The following DGLUCY variants were observed in gnomAD, a reference collection of about 807,000 sequenced individuals.
DGLUCY encodes the protein D-glutamate cyclase, also known as D-glutamate cyclase, mitochondrial.
Under a neutral mutation model 58.5 loss-of-function variants are expected in DGLUCY, and 58 were observed. The observed-to-expected ratio is 0.99, with a 90% CI of 0.80 to 1.23. The LOEUF (loss-of-function observed/expected upper bound fraction) is 1.23, where lower values mean the gene tolerates loss of function less well. DGLUCY is among the 50% of genes most tolerant of loss of function. DGLUCY has a pLI of 0.00. For missense variants in DGLUCY, 779 were observed against 784.7 expected, an observed-to-expected ratio of 0.99 and a Z score of 0.09; for synonymous variants, 325 against 314.1, an observed-to-expected ratio of 1.03 and a Z score of -0.37.
At chr14:91,108,487 T>TTGTGTGTGTGTG (rs34711327) in intron 1 of DGLUCY, among the ~76,000 whole-genome samples, 29 of 74,958 alleles carry the variant, frequency 3.9e-4, no homozygotes, top group African/African-American at 1.4e-3. Flanking sequence ...CTTGAAGAAT[T>TTGTGTGTGTGTG]TGTGTGTGTG....
intron 9 of DGLUCY, among the ~76,000 whole-genome samples, chr14:91,194,658 A>G (rs970105773): frequency 6.6e-6 from 1 of 151,292 alleles, no homozygotes; most frequent in Non-Finnish European, 1.5e-5. Flanking sequence ...CTCCTGCCTC[A>G]GCCTCCTGAG....
rs184636243 is a variant in DGLUCY at position 91,094,923 on chromosome 14, A to G, written c.-82+34219A>G. Among the ~76,000 whole-genome samples, 312 of 152,198 alleles carry G rather than the reference A, an allele frequency of 2.0e-3. 3 individuals are homozygous for G. The highest frequency in any genetic ancestry group is 7.3e-3 in the African/African-American group (302 of 41,518). On this transcript the variant is annotated intron_variant, in intron 1 of 4. Coordinates refer to the DGLUCY transcript ENST00000521334. ...CTGTGGACATCTATATTAAGGATAT[A>G]CCACTTTGTAAAAGGATCCAACACA...
At chr14:91,213,434 C>CA (rs1342707750) in intron 12 of DGLUCY, among the ~76,000 whole-genome samples, 104 of 140,136 alleles carry the variant, frequency 7.4e-4, no homozygotes, top group East Asian at 3.9e-3. Flanking sequence ...GACTTGCTCT[C>CA]AAAAAAAAAA....
chr14:91,196,987 G>T (rs2050259846), intron 10 of DGLUCY, among the ~76,000 whole-genome samples: 1 of 152,116 alleles, frequency 6.6e-6, no homozygotes, highest in Admixed American at 6.6e-5. Context: ...AGGGGGTGGG[G>T]ATGGAGTCTT....
chr14:91,165,397 A>G, intron 3 of DGLUCY: 5 of 404,942 alleles, frequency 1.2e-5, no homozygotes, highest in South Asian at 7.3e-5. Context: ...ATGCAAAGCC[A>G]CAGCCTGGGT....
At chr14:91,176,926 T>TTTCC (rs200958536) in intron 7 of DGLUCY, among the ~76,000 whole-genome samples, 1 of 147,342 alleles carries the variant, frequency 6.8e-6, no homozygotes, top group Non-Finnish European at 1.5e-5. Context: ...ATTAAATATA[T>TTTCC]TTCCTTCCTT....
At chr14:91,099,807 G>A (rs917685045) in intron 1 of DGLUCY, among the ~76,000 whole-genome samples, 10 of 152,296 alleles carry the variant, frequency 6.6e-5, no homozygotes, top group South Asian at 4.1e-4. Flanking sequence ...TGGACTTGCT[G>A]TGCCACCTTG....
At chr14:91,095,913 C>G (rs1463348500) in intron 1 of DGLUCY, among the ~76,000 whole-genome samples, 1 of 152,286 alleles carries the variant, frequency 6.6e-6, no homozygotes, top group Admixed American at 6.5e-5. Context: ...GAGTCCAGCC[C>G]CTGCTTTCCA....
intron 1 of DGLUCY, among the ~76,000 whole-genome samples, chr14:91,087,846 G>A (rs142008657): frequency 6.6e-6 from 1 of 152,326 alleles, no homozygotes; most frequent in East Asian, 1.9e-4. Flanking sequence ...AAGTAAAAAT[G>A]TCCTTGCTAA....
At chr14:91,130,106 C>G (rs1194245787) in intron 1 of DGLUCY, among the ~76,000 whole-genome samples, 3 of 152,184 alleles carry the variant, frequency 2.0e-5, no homozygotes, top group African/African-American at 7.2e-5. Context: ...TGCTTCCACT[C>G]TATGGGATAA....
chr14:91,199,720 T>G, intron 10 of DGLUCY, 37 bp from the exon 11 acceptor site: 8 of 1,611,390 alleles, frequency 5.0e-6, no homozygotes, highest in Non-Finnish European at 6.8e-6. Flanking sequence ...CACCTCTCCA[T>G]AGGACCCTCT....
In DGLUCY at chr14:91,102,743, A is replaced by ATGTGTGTGTGTGTGTGTGTGTGTGTGTG. The variant is rs548653144; in HGVS notation, c.-82+42055_-82+42082dup. Among the ~76,000 whole-genome samples the ATGTGTGTGTGTGTGTGTGTGTGTGTGTG allele has an allele frequency of 6.1e-5, 8 of 130,586 alleles. 2 individuals are homozygous for ATGTGTGTGTGTGTGTGTGTGTGTGTGTG. The highest frequency in any genetic ancestry group is 8.6e-5 in the African/African-American group (3 of 34,824). 85.7% of individuals were successfully genotyped at this position (130,586 alleles called of 152,430 possible). On this transcript the variant is annotated intron_variant, in intron 1 of 4. Transcript: ENST00000521334. ...GCTGCTGGGACCCCTTCCAGTGTGT[A>ATGTGTGTGTGTGTGTGTGTGTGTGTGTG]TGTGTGTGTGTGTGTGTGTGTGTGT...
At chr14:91,155,797 CAAAAA>C (rs543323125) in intron 1 of DGLUCY, among the ~76,000 whole-genome samples, 2 of 96,470 alleles carry the variant, frequency 2.1e-5, no homozygotes, top group Admixed American at 1.1e-4. Context: ...ACCCTGTTTC[CAAAAA>C]AAAAAAAAAA....
At chr14:91,112,682 A>G (rs1365919594), upstream of DGLUCY, among the ~76,000 whole-genome samples, 1 of 152,126 alleles carries the variant, frequency 6.6e-6, no homozygotes, top group Non-Finnish European at 1.5e-5. Context: ...AACAAAAGAG[A>G]AAAAGAAGCA....
chr14:91,169,648 G>C (rs182460632), intron 4 of DGLUCY, among the ~76,000 whole-genome samples: 1 of 151,606 alleles, frequency 6.6e-6, no homozygotes, highest in African/African-American at 2.4e-5. Flanking sequence ...GAGTTCAAGT[G>C]ATCTGCCCGC....
At chr14:91,099,503 A>G (rs576936994) in intron 1 of DGLUCY, among the ~76,000 whole-genome samples, 193 of 149,462 alleles carry the variant, frequency 1.3e-3, no homozygotes, top group African/African-American at 4.3e-3. Context: ...ACTGTACTCC[A>G]GCCTAGGCGA....
chr14:91,127,024 ATTC>A (rs1252749366), intron 1 of DGLUCY, among the ~76,000 whole-genome samples: 1 of 142,306 alleles, frequency 7.0e-6, no homozygotes, highest in Non-Finnish European at 1.5e-5. Context: ...GCCGATGTAC[ATTC>A]TTCTCAGTCA....
At chr14:91,177,660 C>T (rs1016498277) in intron 7 of DGLUCY, among the ~76,000 whole-genome samples, 7 of 152,362 alleles carry the variant, frequency 4.6e-5, no homozygotes, top group South Asian at 2.1e-4. Flanking sequence ...GCCACACTTG[C>T]GCTGTAAGCA....
chr14:91,079,877 G>C (rs1246250962), intron 1 of DGLUCY, among the ~76,000 whole-genome samples: 1 of 152,068 alleles, frequency 6.6e-6, no homozygotes, highest in African/African-American at 2.4e-5. Flanking sequence ...AGCATTAAAT[G>C]CATTTAAAAT....
Sources: allele counts gnomAD v4.1 joint callset (sites outside exome capture counted in the v4.1 genomes callset), GRCh38; gene constraint gnomAD v4.1.1; transcripts MANE v1.5; gene names NCBI Gene and HGNC (gene_info 2026-07-23, HGNC 2026-07-21).